Variants in FRMPD4 observed in about 807,000 individuals in gnomAD.
The protein encoded by FRMPD4 is FERM and PDZ domain-containing protein 4.
Under a neutral mutation model 94.1 loss-of-function variants are expected in FRMPD4, and 22 were observed. That is an observed-to-expected ratio of 0.23 (90% confidence interval 0.17 to 0.33). The LOEUF (loss-of-function observed/expected upper bound fraction) is 0.33, where lower values mean the gene tolerates loss of function less well. Among genes scored for constraint, FRMPD4 ranks in the 10% least tolerant of loss-of-function variants. FRMPD4 has a pLI of 1.00. For synonymous variants in FRMPD4, 631 were observed against 548.6 expected (o/e 1.15, Z -2.10); for missense variants, 1,111 against 1,339.9 (o/e 0.83, Z 2.67).
chrX:12,072,316 TG>T (rs1398302114), intron 3 of FRMPD4, among the ~76,000 whole-genome samples: 2 of 112,331 alleles, frequency 1.8e-5, no homozygotes, highest in Non-Finnish European at 3.8e-5. Flanking sequence ...AGAGGAATGA[TG>T]GGGAGATACC....
At chrX:12,587,392 A>T (rs758880533) in intron 2 of FRMPD4, among the ~76,000 whole-genome samples, 46 of 111,726 alleles carry the variant, frequency 4.1e-4, no homozygotes, top group African/African-American at 1.4e-3. Flanking sequence ...GAACATTTTC[A>T]TTACCCCAAA....
chrX:12,118,067 G>A (rs1472452215), intron 3 of FRMPD4, among the ~76,000 whole-genome samples: 17 of 111,423 alleles, frequency 1.5e-4, no homozygotes, highest in Non-Finnish European at 7.5e-5. Context: ...AAGAAGCAAA[G>A]GGTGAGTTAT....
chrX:12,610,068 C>T (rs965263660), intron 3 of FRMPD4, among the ~76,000 whole-genome samples, 187 bp downstream of exon 3: 1 of 112,259 alleles, frequency 8.9e-6, no homozygotes, highest in East Asian at 2.8e-4. Flanking sequence ...CTGCCAAATC[C>T]ATCATTATCA....
intron 1 of FRMPD4, among the ~76,000 whole-genome samples, chrX:12,322,085 C>T (rs2055215996): frequency 9.0e-6 from 1 of 111,671 alleles, no homozygotes; most frequent in Non-Finnish European, 1.9e-5. Context: ...ACTTGCCCAT[C>T]TTCCCCTCCA....
chrX:12,224,399 G>A (rs1197240468), intron 1 of FRMPD4, among the ~76,000 whole-genome samples: 1 of 109,834 alleles, frequency 9.1e-6, no homozygotes, highest in Non-Finnish European at 1.9e-5. Context: ...ATAATCGCAC[G>A]CCACCACACC....
chrX:12,446,732 T>C (rs2057200185), intron 1 of FRMPD4, among the ~76,000 whole-genome samples: 1 of 112,006 alleles, frequency 8.9e-6, no homozygotes, highest in Non-Finnish European at 1.9e-5. Flanking sequence ...TCCCCAGCCA[T>C]GTGGAACTGA....
At chrX:12,096,123 G>A (rs904833263) in intron 3 of FRMPD4, among the ~76,000 whole-genome samples, 15 of 112,369 alleles carry the variant, frequency 1.3e-4, no homozygotes, top group Admixed American at 9.4e-5. Context: ...GAAGGTTACC[G>A]AATGACTGAT....
rs200625685 is a variant in FRMPD4 at position 12,312,239 on chromosome X, CTTTTTT to C, written c.41+173252_41+173257del. 5.3e-3 allele frequency among the ~76,000 whole-genome samples: 324 copies of C among 61,354 alleles called. 1 individual carries two copies. Among genetic ancestry groups the C allele is most frequent in the African/African-American group, 0.021 (297 of 14,101 alleles). The allele number at this position is 61,354 out of a possible 115,157, so 53.3% of individuals were successfully genotyped here. ...CTTCCTTTTCAACTCTGCTCCATTA[CTTTTTT>C]TTTTTTTTTTTTTTTTTTTTTTTTG... On this transcript the variant is annotated intron_variant, in intron 1 of 16. Transcript: ENST00000675598.
chrX:11,867,828 G>A (rs769308017), intron 2 of FRMPD4, among the ~76,000 whole-genome samples: 14 of 110,398 alleles, frequency 1.3e-4, no homozygotes, highest in African/African-American at 4.3e-4. Flanking sequence ...GTCTAACCAC[G>A]CTGAATGCAC....
At chrX:12,679,522 A>C (rs955784268) in intron 5 of FRMPD4, among the ~76,000 whole-genome samples, 2 of 111,961 alleles carry the variant, frequency 1.8e-5, no homozygotes, top group African/African-American at 6.5e-5. Context: ...ACTAAGTCAC[A>C]GTCAGGGGAG....
chrX:12,181,414 G>A (rs956905345), intron 1 of FRMPD4, among the ~76,000 whole-genome samples: 5 of 112,137 alleles, frequency 4.5e-5, no homozygotes, highest in Non-Finnish European at 3.8e-5. Context: ...AATCATCTAT[G>A]AGCTGGTTGA....
intron 1 of FRMPD4, among the ~76,000 whole-genome samples, chrX:12,247,803 T>C (rs759642596): frequency 2.2e-4 from 25 of 112,299 alleles, no homozygotes; most frequent in Non-Finnish European, 3.9e-4. Context: ...CTTGTGGCAA[T>C]TTTATCAGAT....
intron 3 of FRMPD4, among the ~76,000 whole-genome samples, chrX:12,024,386 C>T (rs1444104727): frequency 8.9e-6 from 1 of 111,803 alleles, no homozygotes; most frequent in African/African-American, 3.2e-5. Context: ...ATAATTTCTC[C>T]AAGGTCACTC....
At chrX:12,430,081 C>A in intron 1 of FRMPD4, among the ~76,000 whole-genome samples, 1 of 112,011 alleles carries the variant, frequency 8.9e-6, no homozygotes, top group Non-Finnish European at 1.9e-5. Context: ...TGTGTTACAG[C>A]AACAAAAAAC....
At chrX:12,332,207 TAGAGAGAGAGAGAGAGAG>T (rs531737337) in intron 1 of FRMPD4, among the ~76,000 whole-genome samples, 1 of 59,540 alleles carries the variant, frequency 1.7e-5, no homozygotes, top group Admixed American at 2.5e-4. Flanking sequence ...TATATATATA[TAGAGAGAGAGAGAGAGAG>T]AGAGAGAGAG....
intron 3 of FRMPD4, among the ~76,000 whole-genome samples, chrX:12,081,501 C>T (rs2055061964): frequency 9.0e-6 from 1 of 111,049 alleles, no homozygotes; most frequent in Non-Finnish European, 1.9e-5. Flanking sequence ...CTTACATACT[C>T]TATGTACTTA....
chrX:12,474,993 A>G (rs1225193071), intron 1 of FRMPD4, among the ~76,000 whole-genome samples: 172 of 111,648 alleles, frequency 1.5e-3, no homozygotes, highest in African/African-American at 5.5e-3. Context: ...ACCAAAGCCT[A>G]GCAGAGACAC....
At chrX:12,391,272 G>A (rs1028480276) in intron 1 of FRMPD4, among the ~76,000 whole-genome samples, 4 of 111,941 alleles carry the variant, frequency 3.6e-5, no homozygotes, top group Non-Finnish European at 7.5e-5. Flanking sequence ...TGACATTTAA[G>A]ATGCTTTTGT....
upstream of FRMPD4, among the ~76,000 whole-genome samples, chrX:12,135,677 G>A (rs1035705274): frequency 1.8e-5 from 2 of 110,145 alleles, no homozygotes. Flanking sequence ...GTTCCAGGTA[G>A]ACCAGATGTC....
Sources: allele counts gnomAD v4.1 joint callset (sites outside exome capture counted in the v4.1 genomes callset), GRCh38; gene constraint gnomAD v4.1.1; transcripts MANE v1.5; gene names NCBI Gene and HGNC (gene_info 2026-07-23, HGNC 2026-07-21).